Variants in SNIP1 observed in about 807,000 individuals in gnomAD.
The protein encoded by SNIP1 is Smad nuclear interacting protein 1, also known as smad nuclear-interacting protein 1.
In SNIP1, 23 loss-of-function variants were observed where a neutral mutation model predicts 37.4. The observed-to-expected ratio is 0.61, with a 90% CI of 0.44 to 0.87. The LOEUF is 0.87. Ranked by LOEUF, SNIP1 falls within the 40% of genes least tolerant of loss-of-function variation. The probability of loss-of-function intolerance (pLI) is 0.00; values close to 1 mark genes in which losing one functional copy is unlikely to be tolerated. For synonymous variants in SNIP1, 174 were observed against 200.0 expected (o/e 0.87, Z 1.10); for missense variants, 459 against 540.4 (o/e 0.85, Z 1.49).
Position 37,540,265 on chromosome 1 carries a change from A to G in SNIP1, c.818T>C (p.Met273Thr), listed in dbSNP as rs1643157406. The change falls in exon 3 of 4, where the codon ATG becomes ACG. Residue 273 changes from methionine (M) to threonine (T), a missense_variant. Met to Thr is a moderately conservative substitution (Grantham distance 81). Transcript: ENST00000296215. This position sits in a 1 kb window ranked among gnomAD's most constrained non-coding sequence, Gnocchi z 5.6. ...PFKNDEVLPVMYIHRQSAYLL... is the reference protein window; with the variant it reads ...PFKNDEVLPVTYIHRQSAYLL... ...GTACGCACTCTGTCGATGTATGTACATGACTGGAAGCACCTCATCATTTTT... is the reference window on the plus strand; with the variant it reads ...GTACGCACTCTGTCGATGTATGTACGTGACTGGAAGCACCTCATCATTTTT... 5.0e-6 allele frequency: 8 copies of G among 1,614,182 alleles called. No homozygotes were observed. Among genetic ancestry groups the G allele is most frequent in the Middle Eastern group, 1.6e-4 (1 of 6,062 alleles).
At chr1:37,553,873 A>T in intron 1 of SNIP1, 133 bp downstream of exon 1, 1 of 871,490 alleles carries the variant, frequency 1.1e-6, no homozygotes, top group Non-Finnish European at 1.8e-6. Flanking sequence ...CGACTGGATC[A>T]CTCTCAACAG....
chr1:37,550,956 G>A (rs1243895081), intron 2 of SNIP1, among the ~76,000 whole-genome samples: 2 of 151,522 alleles, frequency 1.3e-5, no homozygotes, highest in Non-Finnish European at 2.9e-5. Flanking sequence ...TTAGCTGGGC[G>A]TGGTGGTGGG....
intron 2 of SNIP1, among the ~76,000 whole-genome samples, chr1:37,542,973 T>C (rs1457084253): frequency 6.6e-6 from 1 of 150,924 alleles, no homozygotes; most frequent in African/African-American, 2.4e-5. Flanking sequence ...GGTGGGATGA[T>C]CACTTGAGCC....
intron 2 of SNIP1, among the ~76,000 whole-genome samples, chr1:37,546,396 G>A (rs114584677): frequency 2.0e-5 from 3 of 152,086 alleles, no homozygotes; most frequent in African/African-American, 4.8e-5. Context: ...CATAACGGCC[G>A]GGTGTGGTGG....
chr1:37,545,833 A>G (rs974004456), intron 2 of SNIP1, among the ~76,000 whole-genome samples: 2 of 152,046 alleles, frequency 1.3e-5, no homozygotes, highest in African/African-American at 4.8e-5. Flanking sequence ...ATTAAAAACT[A>G]AAAATTTAGG....
rs1294761777 is a variant in SNIP1, at chr1:37,538,003, T to C, written c.936A>G (p.Glu312=). The C allele has an allele frequency of 9.3e-6, 15 of 1,604,304 alleles. No individual in the cohort carries two copies. The highest frequency in any genetic ancestry group is 1.3e-5 in the African/African-American group (1 of 74,374). The change falls in exon 4 of 4, where the codon GAA becomes GAG. Residue 312 remains glutamate, a synonymous_variant. Transcript: ENST00000296215. ...QHAVFQYRLV[E]YTRADGTVGR... Reference sequence around the variant, plus strand: ...CAACTGTGCCATCAGCACGGGTATATTCCACAAGCCTAGCAGAAAAAAAGG... The same window carrying C: ...CAACTGTGCCATCAGCACGGGTATACTCCACAAGCCTAGCAGAAAAAAAGG...
Position 37,546,627 on chromosome 1 carries a change from T to C in SNIP1, c.328-5872A>G, listed in dbSNP as rs183869613. 2.3e-3 allele frequency among the ~76,000 whole-genome samples: 343 copies of C among 152,094 alleles called. 1 individual carries two copies. Among genetic ancestry groups the C allele is most frequent in the African/African-American group, 7.6e-3 (317 of 41,482 alleles). The stretch of plus-strand genomic sequence containing the variant: ...AAGTGGAGGTTGCAGTGAGCCAAGA[T>C]TGCACCACTGCACTCCAGCCTGGGT... On this transcript the variant is annotated intron_variant, in intron 2 of 3. Coordinates refer to ENST00000296215, the MANE Select transcript of SNIP1 (RefSeq NM_024700.4).
At chr1:37,549,327 T>C (rs1007082118) in intron 2 of SNIP1, among the ~76,000 whole-genome samples, 2 of 152,144 alleles carry the variant, frequency 1.3e-5, no homozygotes, top group Non-Finnish European at 2.9e-5. Flanking sequence ...AGATACACAA[T>C]GTTCATGGAT....
chr1:37,544,739 C>G, intron 2 of SNIP1: 1 of 660,542 alleles, frequency 1.5e-6, no homozygotes, highest in East Asian at 2.9e-5. Flanking sequence ...CAGCCACCGC[C>G]GCACAGCCAC....
intron 1 of SNIP1, 130 bp from the exon 2 acceptor site, chr1:37,552,877 G>A (rs748816767): frequency 2.7e-6 from 2 of 733,854 alleles, no homozygotes; most frequent in South Asian, 1.6e-5. Flanking sequence ...CACATTAAAG[G>A]AGTCACGAGG....
intron 1 of SNIP1, among the ~76,000 whole-genome samples, chr1:37,553,113 C>T (rs1035938457): frequency 2.0e-5 from 3 of 152,232 alleles, no homozygotes; most frequent in Admixed American, 2.0e-4. Flanking sequence ...ATCCCTCCAT[C>T]CTGTGGTTCT....
chr1:37,549,332 A>C (rs1310956835), intron 2 of SNIP1, among the ~76,000 whole-genome samples: 1 of 152,244 alleles, frequency 6.6e-6, no homozygotes, highest in Non-Finnish European at 1.5e-5. Flanking sequence ...CACAATGTTC[A>C]TGGATTAGAA....
At chr1:37,538,713 G>A (rs114263488) in intron 3 of SNIP1, among the ~76,000 whole-genome samples, 1,810 of 152,080 alleles carry the variant, frequency 0.012, 13 homozygotes, top group Middle Eastern at 0.024. Flanking sequence ...GGAAAAAACA[G>A]TGCACTTGGA....
At chr1:37,547,442 A>T (rs1643253969) in intron 2 of SNIP1, among the ~76,000 whole-genome samples, 1 of 152,202 alleles carries the variant, frequency 6.6e-6, no homozygotes, top group South Asian at 2.1e-4. Context: ...TGTTTCGAAA[A>T]TGGTGGTTCA....
chr1:37,550,094 C>G (rs1268739957), intron 2 of SNIP1, among the ~76,000 whole-genome samples: 1 of 151,458 alleles, frequency 6.6e-6, no homozygotes, highest in African/African-American at 2.4e-5. Context: ...ACCCTGAAAC[C>G]CTGAAAAGAA....
chr1:37,544,763 A>G lies in SNIP1; in HGVS notation c.328-4008T>C, dbSNP rs568213479. The G allele has an allele frequency of 3.0e-5, 21 of 703,064 alleles. No homozygotes were observed. In the African/African-American group the frequency reaches 3.2e-4, roughly 11 times the overall value. The allele number at this position is 703,064 out of a possible 1,614,324, so 43.6% of individuals were successfully genotyped here. On this transcript the variant is annotated intron_variant, in intron 2 of 3. Coordinates refer to ENST00000296215, the MANE Select transcript of SNIP1 (RefSeq NM_024700.4). ...CCGCACAGCCACCGTGGCCACCACC[A>G]TGACGACTGCGCGTCCCCCTCGCAG...
chr1:37,538,978 G>A (rs917411498), intron 3 of SNIP1, among the ~76,000 whole-genome samples: 1 of 152,146 alleles, frequency 6.6e-6, no homozygotes, highest in Non-Finnish European at 1.5e-5. Flanking sequence ...GTAGGAGCAT[G>A]AACCCTATTG....
chr1:37,551,947 A>G (rs890951679), intron 2 of SNIP1, among the ~76,000 whole-genome samples: 1 of 152,232 alleles, frequency 6.6e-6, no homozygotes, highest in African/African-American at 2.4e-5. Flanking sequence ...ATGTCTATAT[A>G]GCAGCTTTAT....
chr1:37,551,269 C>CA (rs56350752), intron 2 of SNIP1, among the ~76,000 whole-genome samples: 51,215 of 108,036 alleles, frequency 0.47, 10,200 homozygotes, highest in East Asian at 0.57. Flanking sequence ...GACTCTGTCT[C>CA]AAAAAAAAAA....
Sources: allele counts gnomAD v4.1 joint callset (sites outside exome capture counted in the v4.1 genomes callset), GRCh38; gene constraint gnomAD v4.1.1; non-coding constraint Gnocchi (gnomAD v3.1); transcripts MANE v1.5; gene names NCBI Gene and HGNC (gene_info 2026-07-23, HGNC 2026-07-21).